Variants in CANX observed in about 807,000 individuals in gnomAD.
CANX encodes the protein epididymis secretory sperm binding protein.
CANX carries 14 observed loss-of-function variants against 75.7 expected under a neutral mutation model. The ratio of observed to expected loss-of-function variants is 0.19; its 90% confidence interval spans 0.12 to 0.29. The LOEUF is 0.29. CANX is among the 10% of genes least tolerant of loss of function. The pLI is 1.00. For synonymous variants in CANX, 227 were observed against 236.9 expected (o/e 0.96, Z 0.38); for missense variants, 567 against 713.2 (o/e 0.79, Z 2.34).
At chr5:179,700,761 A>G (rs1776684304) in intron 1 of CANX, 1 of 153,110 alleles carries the variant, frequency 6.5e-6, no homozygotes, top group Admixed American at 6.6e-5. Context: ...CCTTTTAGTT[A>G]GAGTTCTCTT....
intron 7 of CANX, among the ~76,000 whole-genome samples, chr5:179,711,923 C>T (rs550244536): frequency 2.6e-5 from 4 of 151,400 alleles, no homozygotes; most frequent in Non-Finnish European, 4.4e-5. Context: ...CATGGTGAAA[C>T]GTCATCTCTA....
At chr5:179,697,858 A>G (rs7721256), upstream of CANX, among the ~76,000 whole-genome samples, 1 of 152,286 alleles carries the variant, frequency 6.6e-6, no homozygotes, top group African/African-American at 2.4e-5. Flanking sequence ...ACTAGACTCC[A>G]GCCTGAGCGA....
chr5:179,728,431 C>G (rs190009581), intron 14 of CANX, among the ~76,000 whole-genome samples, 160 bp from the exon 15 acceptor site: 2 of 152,180 alleles, frequency 1.3e-5, no homozygotes, highest in Non-Finnish European at 2.9e-5. Context: ...ATTCCACCAC[C>G]TCTGAGACAA....
chr5:179,693,443 G>A (rs1776337019), upstream of CANX, among the ~76,000 whole-genome samples: 1 of 140,854 alleles, frequency 7.1e-6, no homozygotes, highest in African/African-American at 2.5e-5. Flanking sequence ...GGAGGCCAAG[G>A]CAAGTGGATC....
upstream of CANX, chr5:179,698,375 G>C (rs573073430): frequency 8.3e-7 from 1 of 1,202,570 alleles, no homozygotes; most frequent in East Asian, 6.0e-5. Context: ...GCCGAGCCAT[G>C]ACTCTGCAGG....
At chr5:179,682,252 C>CAA (rs57777599) in intron 1 of CANX, among the ~76,000 whole-genome samples, 14,694 of 129,112 alleles carry the variant, frequency 0.11, 863 homozygotes, top group Non-Finnish European at 0.13. Flanking sequence ...AACTCCATCT[C>CAA]AAAAAAAAAA....
At chr5:179,711,355 G>A (rs546861574) in intron 7 of CANX, among the ~76,000 whole-genome samples, 17 of 152,040 alleles carry the variant, frequency 1.1e-4, no homozygotes, top group Admixed American at 4.6e-4. Flanking sequence ...CCAGGAAGTC[G>A]AGACTGTAGT....
At chr5:179,703,352 C>T (rs982115680) in intron 1 of CANX, among the ~76,000 whole-genome samples, 5 of 151,352 alleles carry the variant, frequency 3.3e-5, no homozygotes, top group African/African-American at 4.9e-5. Flanking sequence ...TGAGTAGCTG[C>T]GGCTACAGGT....
intron 1 of CANX, among the ~76,000 whole-genome samples, chr5:179,682,448 C>T (rs905716509): frequency 2.6e-5 from 4 of 151,868 alleles, no homozygotes; most frequent in Non-Finnish European, 4.4e-5. Flanking sequence ...CAGTGGCTCA[C>T]GCCTGTAATC....
At chr5:179,688,725 A>G (rs1476640089) in intron 1 of CANX, among the ~76,000 whole-genome samples, 4 of 151,468 alleles carry the variant, frequency 2.6e-5, no homozygotes, top group African/African-American at 7.3e-5. Context: ...TCATGCCTGT[A>G]ATCCCAGCAC....
chr5:179,688,522 C>T (rs182105592), intron 1 of CANX, among the ~76,000 whole-genome samples: 103 of 151,170 alleles, frequency 6.8e-4, no homozygotes, highest in African/African-American at 2.3e-3. Context: ...CACCACCACG[C>T]GCAGCTCATT....
rs1171520390 is a variant in CANX at position 179,716,361 on chromosome 5, C to T, written c.911+67C>T. 35 of 1,191,734 alleles carry T rather than the reference C, an allele frequency of 2.9e-5. No homozygotes were observed. In the South Asian group the frequency reaches 3.3e-4, roughly 11 times the overall value. 73.8% of individuals were successfully genotyped at this position (1,191,734 alleles called of 1,614,324 possible). On this transcript the variant is annotated intron_variant, in intron 8 of 14. Transcript: ENST00000247461. ...CATATATTCCATGTGGCTTGAACAA[C>T]GAAATGTTGGTTGAGTAAGCTCTGA...
intron 7 of CANX, chr5:179,715,850 C>T: frequency 1.4e-5 from 7 of 482,830 alleles, no homozygotes; most frequent in South Asian, 5.6e-5. Context: ...GTCTATAAGT[C>T]AAGTCTTTGG....
In CANX at chr5:179,705,778, G is replaced by C; in HGVS notation, c.97G>C (p.Asp33His). 1 of 1,611,716 alleles carries C rather than the reference G, an allele frequency of 6.2e-7. No homozygotes were observed. Among genetic ancestry groups the C allele is most frequent in the South Asian group, 1.1e-5 (1 of 91,034 alleles). ...GHDDDVIDIEDDLDDVIEEVE... is the reference protein window; with the variant it reads ...GHDDDVIDIEHDLDDVIEEVE... ...TGATGATGATGTGATTGATATTGAGGATGACCTTGACGATGTCATTGAAGA... is the reference window on the plus strand; with the variant it reads ...TGATGATGATGTGATTGATATTGAGCATGACCTTGACGATGTCATTGAAGA... Residue 33 changes from aspartate (D) to histidine (H), a missense_variant, in exon 2 of 15, where the codon GAT becomes CAT. Asp to His is a moderately conservative substitution (Grantham distance 81). This residue lies in a region of CANX where 351 missense variants were observed against 433.8 expected (regional missense o/e 0.81). Transcript: ENST00000247461.
chr5:179,708,018 T>C (rs199948755), intron 4 of CANX, among the ~76,000 whole-genome samples: 1 of 151,880 alleles, frequency 6.6e-6, no homozygotes, highest in Admixed American at 6.6e-5. Flanking sequence ...TGTGTTTTTA[T>C]TAGAGATGGG....
At chr5:179,728,497 A>G (rs1351001517) in intron 14 of CANX, 94 bp from the exon 15 acceptor site, 2 of 730,970 alleles carry the variant, frequency 2.7e-6, no homozygotes, top group East Asian at 2.7e-5. Flanking sequence ...TTCCTCAAAT[A>G]AGTTACCCTC....
chr5:179,723,142 C>T, intron 11 of CANX, 123 bp downstream of exon 11: 1 of 769,030 alleles, frequency 1.3e-6, no homozygotes, highest in Non-Finnish European at 2.2e-6. Context: ...TAACCATATG[C>T]CTGCAAAAGA....
intron 7 of CANX, among the ~76,000 whole-genome samples, chr5:179,711,295 G>T (rs752106944): frequency 6.6e-6 from 1 of 151,824 alleles, no homozygotes; most frequent in African/African-American, 2.4e-5. Context: ...AGTGGCATGT[G>T]CCTGTAGTTT....
In CANX at chr5:179,709,052, T is replaced by C. The variant is rs143726426; in HGVS notation, c.521T>C (p.Leu174Pro). Residue 174 changes from leucine to proline, a missense_variant, in exon 6 of 15, where the codon CTC becomes CCC. Physicochemically the swap from Leu to Pro is moderately conservative, Grantham distance 98 (BLOSUM62 -3). This residue lies in a region of CANX where 351 missense variants were observed against 433.8 expected (regional missense o/e 0.81). Coordinates refer to ENST00000247461, the MANE Select transcript of CANX (RefSeq NM_001746.4). ...YVKLLSKTPELNLDQFHDKTP... is the reference protein window; with the variant it reads ...YVKLLSKTPEPNLDQFHDKTP... ...AAACTGCTTTCTAAAACACCAGAACTCAACCTGGTATGTAATTCCCATTTC... is the reference window on the plus strand; with the variant it reads ...AAACTGCTTTCTAAAACACCAGAACCCAACCTGGTATGTAATTCCCATTTC... 6 of 1,568,190 alleles carry C rather than the reference T, an allele frequency of 3.8e-6. No individual in the cohort carries two copies. In the African/African-American group the frequency reaches 8.1e-5, roughly 21 times the overall value.
Sources: allele counts gnomAD v4.1 joint callset (sites outside exome capture counted in the v4.1 genomes callset), GRCh38; gene constraint gnomAD v4.1.1; regional missense constraint gnomAD v4.1.1; transcripts MANE v1.5; gene names NCBI Gene and HGNC (gene_info 2026-07-23, HGNC 2026-07-21).